The following PCSK1 variants were observed in gnomAD, a reference collection of about 807,000 sequenced individuals.
The protein encoded by PCSK1 is neuroendocrine convertase 1.
Under a neutral mutation model 90.6 loss-of-function variants are expected in PCSK1, and 56 were observed. The ratio of observed to expected loss-of-function variants is 0.62; its 90% CI spans 0.50 to 0.77. PCSK1 has a LOEUF of 0.77. Ranked by LOEUF, PCSK1 falls within the 30% of genes least tolerant of loss-of-function variation. PCSK1 has a pLI of 0.00. For missense variants in PCSK1, 801 were observed against 932.6 expected (o/e 0.86, Z 1.84); for synonymous variants, 348 against 342.4 (o/e 1.02, Z -0.18).
chr5:96,397,889 T>C (rs2112395129), intron 11 of PCSK1, among the ~76,000 whole-genome samples: 1 of 152,130 alleles, frequency 6.6e-6, no homozygotes, highest in East Asian at 1.9e-4. Context: ...CCTGACTCCA[T>C]AATGATTTAA....
chr5:96,415,011 T>C (rs1224508258), intron 6 of PCSK1, among the ~76,000 whole-genome samples: 6 of 152,236 alleles, frequency 3.9e-5, no homozygotes, highest in African/African-American at 1.2e-4. Flanking sequence ...TTTATTGTAA[T>C]TGAAATGTTC....
intron 11 of PCSK1, among the ~76,000 whole-genome samples, chr5:96,398,492 G>A (rs1760242014): frequency 6.6e-6 from 1 of 152,150 alleles, no homozygotes; most frequent in African/African-American, 2.4e-5. Context: ...TGAATTCCCA[G>A]TTTTCAATGG....
intron 7 of PCSK1, 91 bp downstream of exon 7, chr5:96,412,227 T>C (rs1760778238): frequency 9.2e-7 from 1 of 1,086,676 alleles, no homozygotes; most frequent in South Asian, 1.3e-5. Context: ...TCCACAACAA[T>C]GTTATTCCAT....
chr5:96,417,114 C>A (rs770069053), intron 5 of PCSK1, among the ~76,000 whole-genome samples: 4 of 152,172 alleles, frequency 2.6e-5, no homozygotes, highest in Non-Finnish European at 5.9e-5. Flanking sequence ...TAATGTTGGC[C>A]AGTTACATTT....
At chr5:96,414,484 C>T (rs1760879129) in intron 6 of PCSK1, among the ~76,000 whole-genome samples, 1 of 152,146 alleles carries the variant, frequency 6.6e-6, no homozygotes, top group Non-Finnish European at 1.5e-5. Context: ...ATCTGTTAAC[C>T]ACCAGGATAC....
At chr5:96,397,918 AATTT>A (rs1278733798) in intron 11 of PCSK1, among the ~76,000 whole-genome samples, 1 of 151,904 alleles carries the variant, frequency 6.6e-6, no homozygotes, top group Non-Finnish European at 1.5e-5. Context: ...ATTATTATTT[AATTT>A]ATTATGCAAT....
chr5:96,397,499 C>T, intron 11 of PCSK1, 30 bp from the exon 12 acceptor site: 1 of 1,598,272 alleles, frequency 6.3e-7, no homozygotes, highest in South Asian at 1.1e-5. Context: ...TAATGAATGT[C>T]CTAATAGCTC....
At position 96,397,387 on chromosome 5, in the gene PCSK1, G is replaced by A. The variant is rs1386393411; in HGVS notation, c.1671C>T (p.His557=). 3 of 1,610,458 alleles carry A rather than the reference G, an allele frequency of 1.9e-6. No homozygotes were observed. The highest frequency in any genetic ancestry group is 1.7e-5 in the Admixed American group (1 of 60,018). The change falls in exon 12 of 14, where the codon CAC becomes CAT. Residue 557 remains histidine, a synonymous_variant. Coordinates refer to ENST00000311106, the MANE Select transcript of PCSK1 (RefSeq NM_000439.5). The stretch of plus-strand genomic sequence containing the variant: ...TACCTATAGGGTTCTCTCCCCATGT[G>A]TGAACAGACATGAAGTCCCAATTCT... The part of the protein sequence containing the change: ...GFKNWDFMSV[H]TWGENPIGTW...
intron 13 of PCSK1, among the ~76,000 whole-genome samples, chr5:96,393,698 G>A (rs756874552): frequency 1.7e-4 from 26 of 152,174 alleles, no homozygotes; most frequent in Non-Finnish European, 3.4e-4. Context: ...TTCTTTACTT[G>A]TCAGCCTGCT....
chr5:96,407,785 C>A (rs1398972529), intron 9 of PCSK1, among the ~76,000 whole-genome samples: 1 of 152,128 alleles, frequency 6.6e-6, no homozygotes, highest in African/African-American at 2.4e-5. Context: ...CTTACATATT[C>A]AAAGAAAGGA....
rs542583240 is a variant in PCSK1, at chr5:96,395,242, T to A, written c.1723-217A>T. ...ATTGCTTCATAATCAAACATTTAAT[T>A]TAAAAATCAGAAATCTCTATGTAAG... On this transcript the variant is annotated intron_variant, in intron 12 of 13. Transcript: ENST00000311106. 3.3e-5 allele frequency among the ~76,000 whole-genome samples: 5 copies of A among 152,326 alleles called. No individual in the cohort carries two copies. The East Asian group carries it at 9.6e-4, about 29-fold the overall frequency.
intron 2 of PCSK1, among the ~76,000 whole-genome samples, chr5:96,427,344 A>G (rs1761341469): frequency 6.6e-6 from 1 of 152,224 alleles, no homozygotes; most frequent in South Asian, 2.1e-4. Context: ...GAGCAGGCTG[A>G]ATGGTATAGA....
rs147244631 is a variant in PCSK1, at chr5:96,390,886, C to A, written c.*2115G>T. On this transcript the variant is annotated 3_prime_UTR_variant, in exon 14 of 14. Coordinates refer to ENST00000311106, the MANE Select transcript of PCSK1 (RefSeq NM_000439.5). ...AATATTAAAGCTTCTTGAGAGTGAA[C>A]CTTTGGCTACAACCCAATGAGTTGG... 4 of 152,634 alleles carry A rather than the reference C, an allele frequency of 2.6e-5. No individual in the cohort carries two copies. In the East Asian group the frequency reaches 7.7e-4, roughly 29 times the overall value. 9.5% of individuals were successfully genotyped at this position (152,634 alleles called of 1,614,324 possible).
intron 6 of PCSK1, among the ~76,000 whole-genome samples, chr5:96,414,118 G>A (rs1433403579): frequency 1.4e-5 from 2 of 148,074 alleles, no homozygotes; most frequent in Admixed American, 1.3e-4. Flanking sequence ...CAGCCTGGGC[G>A]ACAGAGTGAG....
chr5:96,420,825 T>C (rs998080683), intron 5 of PCSK1, among the ~76,000 whole-genome samples: 3 of 151,864 alleles, frequency 2.0e-5, no homozygotes, highest in African/African-American at 4.8e-5. Flanking sequence ...GACAGACTTG[T>C]CTGACCCAAG....
At chr5:96,398,175 GAGCCTATTCCAAACCTCTAAGAATTA>G (rs1342023971) in intron 11 of PCSK1, among the ~76,000 whole-genome samples, 1 of 152,148 alleles carries the variant, frequency 6.6e-6, no homozygotes, top group Non-Finnish European at 1.5e-5. Context: ...AAAATTAACA[GAGCCTATTCCAAACCTCTAAGAATTA>G]ATATTCAGGA....
chr5:96,415,158 T>TA (rs1760900301), intron 6 of PCSK1, among the ~76,000 whole-genome samples: 1 of 152,206 alleles, frequency 6.6e-6, no homozygotes, highest in Admixed American at 6.5e-5. Flanking sequence ...CCCCTGCAGA[T>TA]ACACTTTCCA....
chr5:96,424,733 C>T (rs1172109372), intron 3 of PCSK1, among the ~76,000 whole-genome samples: 2 of 152,024 alleles, frequency 1.3e-5, no homozygotes, highest in African/African-American at 2.4e-5. Context: ...GAGGCCAAGG[C>T]GGGTGGATCA....
In PCSK1 at chr5:96,397,464, T is replaced by C; in HGVS notation, c.1594A>G (p.Ser532Gly). 1 of 1,612,852 alleles carries C rather than the reference T, an allele frequency of 6.2e-7. No individual in the cohort carries two copies. Among genetic ancestry groups the C allele is most frequent in the South Asian group, 1.1e-5 (1 of 91,044 alleles). ...TCTCTTTCAGCCAAGAGCACAGTGC[T>C]AGTTCCTATGAAACAAATACAAGTT... ...HVTLTSAAGT[S>G]TVLLAERERD... The change falls in exon 12 of 14, where the codon AGC (serine) becomes GGC (glycine). Residue 532 changes from serine to glycine, a missense_variant. Coordinates refer to ENST00000311106, the MANE Select transcript of PCSK1 (RefSeq NM_000439.5).
Sources: allele counts gnomAD v4.1 joint callset (sites outside exome capture counted in the v4.1 genomes callset), GRCh38; gene constraint gnomAD v4.1.1; transcripts MANE v1.5; gene names NCBI Gene and HGNC (gene_info 2026-07-23, HGNC 2026-07-21).